The following TRAPPC9 variants were observed in gnomAD, a reference collection of about 807,000 sequenced individuals.
TRAPPC9 encodes IKK2 binding protein.
Under a neutral mutation model 124.0 loss-of-function variants are expected in TRAPPC9, and 83 were observed. The observed-to-expected ratio is 0.67, with a 90% CI of 0.56 to 0.80. The LOEUF (loss-of-function observed/expected upper bound fraction) is 0.80. Among genes scored for constraint, TRAPPC9 ranks in the 30% least tolerant of loss-of-function variants. The pLI is 0.00. For synonymous variants in TRAPPC9, 638 were observed against 617.5 expected, an observed-to-expected ratio of 1.03 and a Z score of -0.49; for missense variants, 1,302 against 1,508.3, an observed-to-expected ratio of 0.86 and a Z score of 2.27.
chr8:140,349,466 C>T (rs949646432), intron 9 of TRAPPC9, among the ~76,000 whole-genome samples: 2 of 144,796 alleles, frequency 1.4e-5, no homozygotes, highest in Non-Finnish European at 3.1e-5. Context: ...ACAGGGGGGC[C>T]GAAGGGGGCG....
chr8:140,028,509 G>A (rs114205144), intron 17 of TRAPPC9, among the ~76,000 whole-genome samples: 1,616 of 152,324 alleles, frequency 0.011, 25 homozygotes, highest in African/African-American at 0.034. Flanking sequence ...CATCAATGAG[G>A]CTCAGAGCAC....
At chr8:139,796,931 A>C (rs1823141341) in intron 21 of TRAPPC9, among the ~76,000 whole-genome samples, 1 of 152,216 alleles carries the variant, frequency 6.6e-6, no homozygotes, top group African/African-American at 2.4e-5. Flanking sequence ...TTTTGATTCT[A>C]GCCATCCTAG....
chr8:140,376,980 T>C (rs2068459733), intron 7 of TRAPPC9, among the ~76,000 whole-genome samples: 1 of 151,928 alleles, frequency 6.6e-6, no homozygotes, highest in South Asian at 2.1e-4. Flanking sequence ...GGAAGGTTCC[T>C]AGACTACCAG....
chr8:139,771,075 T>C (rs1293775444), intron 21 of TRAPPC9, among the ~76,000 whole-genome samples: 1 of 152,110 alleles, frequency 6.6e-6, no homozygotes, highest in African/African-American at 2.4e-5. Flanking sequence ...GGTCAGCCCT[T>C]GAGCATGCCT....
intron 18 of TRAPPC9, among the ~76,000 whole-genome samples, chr8:139,999,829 G>C (rs1428706661): frequency 6.6e-6 from 1 of 152,200 alleles, no homozygotes; most frequent in Non-Finnish European, 1.5e-5. Context: ...ACTGTTCAAA[G>C]AGGAAGCCCC....
In TRAPPC9 at chr8:139,743,662, A is replaced by C. The variant is rs545112703; in HGVS notation, c.3056-11460T>G. On this transcript the variant is annotated intron_variant, in intron 21 of 22. Coordinates refer to ENST00000438773, the MANE Select transcript of TRAPPC9 (RefSeq NM_001160372.4). ...GCAAAATAAGTTCTATGGAGAAATA[A>C]AATAGCCAAGACCCGAGATGAGAGA... Among the ~76,000 whole-genome samples, 5 of 152,308 alleles carry C rather than the reference A, an allele frequency of 3.3e-5. No individual in the cohort carries two copies. The East Asian group carries it at 9.6e-4, about 29-fold the overall frequency.
intron 21 of TRAPPC9, among the ~76,000 whole-genome samples, chr8:139,866,652 C>A (rs1828560211): frequency 1.3e-5 from 2 of 152,056 alleles, no homozygotes; most frequent in Admixed American, 6.6e-5. Context: ...CATGAGGTAC[C>A]AGTAAGGAAA....
At chr8:140,432,881 A>AG (rs538791736) in intron 4 of TRAPPC9, among the ~76,000 whole-genome samples, 2 of 150,608 alleles carry the variant, frequency 1.3e-5, no homozygotes, top group East Asian at 4.0e-4. Flanking sequence ...CAAAAAAAAA[A>AG]AAAGTCATGT....
intron 21 of TRAPPC9, among the ~76,000 whole-genome samples, chr8:139,815,214 C>G (rs944470651): frequency 6.6e-6 from 1 of 152,162 alleles, no homozygotes; most frequent in African/African-American, 2.4e-5. Context: ...TCCGGAGAAG[C>G]TCCCATCACT....
intron 21 of TRAPPC9, among the ~76,000 whole-genome samples, chr8:139,839,194 T>C (rs1826564438): frequency 6.6e-6 from 1 of 152,222 alleles, no homozygotes; most frequent in Admixed American, 6.5e-5. Context: ...CACTCGCTAC[T>C]TCACACATTC....
chr8:139,892,171 G>A (rs936667632), intron 20 of TRAPPC9, among the ~76,000 whole-genome samples: 9 of 152,206 alleles, frequency 5.9e-5, no homozygotes, highest in Non-Finnish European at 1.3e-4. Context: ...TCAGGGCCCC[G>A]CTCCTTCCTG....
intron 6 of TRAPPC9, among the ~76,000 whole-genome samples, chr8:140,402,704 AAAAG>A (rs949529680): frequency 5.9e-5 from 9 of 152,254 alleles, no homozygotes; most frequent in African/African-American, 1.7e-4. Context: ...TCAAAAAAAA[AAAAG>A]AAAGAAAGAA....
At chr8:140,418,188 T>A (rs976464293) in intron 5 of TRAPPC9, among the ~76,000 whole-genome samples, 2 of 152,158 alleles carry the variant, frequency 1.3e-5, no homozygotes, top group Non-Finnish European at 2.9e-5. Flanking sequence ...TCTGCACGTG[T>A]ATCCCAGAAC....
intron 7 of TRAPPC9, among the ~76,000 whole-genome samples, chr8:140,376,306 T>C (rs1271953058): frequency 1.2e-4 from 18 of 151,534 alleles, no homozygotes; most frequent in Non-Finnish European, 4.4e-5. Context: ...CCTGTAATCC[T>C]AGCACTTTGG....
intron 21 of TRAPPC9, among the ~76,000 whole-genome samples, chr8:139,810,255 G>A (rs932708151): frequency 6.6e-6 from 1 of 152,198 alleles, no homozygotes; most frequent in African/African-American, 2.4e-5. Context: ...CCTGGGAGGC[G>A]ACGCCAAGGA....
At chr8:140,218,776 A>C (rs1450298942) in intron 17 of TRAPPC9, among the ~76,000 whole-genome samples, 1 of 152,068 alleles carries the variant, frequency 6.6e-6, no homozygotes, top group South Asian at 2.1e-4. Context: ...CCTGGTCAAC[A>C]TGGTGAAACC....
intron 21 of TRAPPC9, among the ~76,000 whole-genome samples, chr8:139,797,019 C>T (rs191147413): frequency 1.3e-3 from 195 of 152,288 alleles, no homozygotes; most frequent in African/African-American, 4.3e-3. Context: ...GGCATCTTTT[C>T]GTGGCTGCTT....
chr8:140,439,137 C>G lies in TRAPPC9; in HGVS notation c.645G>C (p.Gln215His). The change falls in exon 3 of 23, where the codon CAG (glutamine) becomes CAC (histidine). Residue 215 changes from glutamine to histidine, a missense_variant. By Grantham distance (24) the Gln-to-His change is conservative (BLOSUM62 0). Transcript: ENST00000438773. ...MRKHVGDLCLQAGMLQDSLVH... is the reference protein window; with the variant it reads ...MRKHVGDLCLHAGMLQDSLVH... Reference sequence around the variant, plus strand: ...CCAGGGAGTCCTGCAGCATCCCTGCCTGCAGGCACAGGTCCCCCACGTGCT... The same window carrying G: ...CCAGGGAGTCCTGCAGCATCCCTGCGTGCAGGCACAGGTCCCCCACGTGCT... The G allele has an allele frequency of 6.2e-7, 1 of 1,614,248 alleles. No homozygotes were observed. The highest frequency in any genetic ancestry group is 8.5e-7 in the Non-Finnish European group (1 of 1,180,032).
chr8:140,241,453 T>C lies in TRAPPC9; in HGVS notation c.2431+11324A>G, dbSNP rs1291611720. ...GGCACCCGCCTGTAATCCCAGCACT[T>C]TGGGAGGCTGAGGTGGGTGAATCAT... is the stretch of plus-strand genomic sequence containing the variant. On this transcript the variant is annotated intron_variant, in intron 16 of 22. Coordinates refer to ENST00000438773, the MANE Select transcript of TRAPPC9 (RefSeq NM_001160372.4). The surrounding 1 kb of genome is among the most constrained non-coding windows in gnomAD (Gnocchi z 5.0). Among the ~76,000 whole-genome samples the C allele has an allele frequency of 6.7e-6, 1 of 149,874 alleles. No individual in the cohort carries two copies. The highest frequency in any genetic ancestry group is 2.5e-5 in the African/African-American group (1 of 40,428).
Sources: gnomAD v4.1 joint callset for allele counts (sites outside exome capture counted in the v4.1 genomes callset) on GRCh38, gnomAD v4.1.1 for gene constraint, Gnocchi (gnomAD v3.1) non-coding constraint, MANE v1.5 for transcripts, NCBI Gene and HGNC (gene_info 2026-07-23, HGNC 2026-07-21) for gene names.